Variants in ARID5B observed in about 807,000 individuals in gnomAD.
The protein encoded by ARID5B is AT-rich interactive domain-containing protein 5B.
A neutral mutation model predicts 97.2 loss-of-function variants in ARID5B; 13 were observed. The observed-to-expected ratio is 0.13, with a 90% CI of 0.09 to 0.21. The LOEUF (loss-of-function observed/expected upper bound fraction) is 0.21, where lower values mean the gene tolerates loss of function less well. Ranked by LOEUF, ARID5B falls within the 10% of genes least tolerant of loss-of-function variation. ARID5B has a pLI of 1.00. For synonymous variants in ARID5B, 556 were observed against 570.3 expected, an observed-to-expected ratio of 0.97 and a Z score of 0.36; for missense variants, 1,210 against 1,465.3, an observed-to-expected ratio of 0.83 and a Z score of 2.84.
chr10:61,960,876 AG>A (rs1838461254), intron 3 of ARID5B, among the ~76,000 whole-genome samples: 1 of 152,252 alleles, frequency 6.6e-6, no homozygotes, highest in South Asian at 2.1e-4. Context: ...GACATAGACT[AG>A]CACTCTGGAT....
intron 3 of ARID5B, among the ~76,000 whole-genome samples, chr10:61,955,565 A>G (rs1489256581): frequency 6.6e-6 from 1 of 152,256 alleles, no homozygotes; most frequent in East Asian, 1.9e-4. Context: ...GAAAGGAACT[A>G]CAGATAATCT....
intron 3 of ARID5B, among the ~76,000 whole-genome samples, chr10:61,980,761 G>GC (rs892125451): frequency 6.6e-6 from 1 of 152,098 alleles, no homozygotes; most frequent in African/African-American, 2.4e-5. Context: ...CCCAAGATGG[G>GC]CCCCCCTTCT....
At chr10:61,966,510 C>T (rs1179740481) in intron 3 of ARID5B, among the ~76,000 whole-genome samples, 1 of 152,070 alleles carries the variant, frequency 6.6e-6, no homozygotes, top group East Asian at 1.9e-4. Context: ...AGATTACTTG[C>T]CTTACACAAC....
chr10:61,912,165 C>T lies in ARID5B; in HGVS notation c.276+9752C>T, dbSNP rs74983378. Among the ~76,000 whole-genome samples the T allele has an allele frequency of 2.7e-3, 416 of 152,188 alleles. 5 individuals carry two copies. The highest frequency in any genetic ancestry group is 9.5e-3 in the African/African-American group (395 of 41,502). On this transcript the variant is annotated intron_variant, in intron 2 of 9. Transcript: ENST00000279873. ...ATGTTGTTTCACAAGCACAAAGGAT[C>T]GCAGTATAACTGGAGACAAAGAACT...
chr10:62,064,943 T>G (rs1839966826), intron 7 of ARID5B, among the ~76,000 whole-genome samples: 1 of 152,100 alleles, frequency 6.6e-6, no homozygotes, highest in East Asian at 1.9e-4. Flanking sequence ...CTGGCTAGTT[T>G]TTGTGTTTTT....
intron 3 of ARID5B, among the ~76,000 whole-genome samples, chr10:61,958,971 T>G (rs950580748): frequency 1.3e-5 from 2 of 152,262 alleles, no homozygotes; most frequent in African/African-American, 4.8e-5. Flanking sequence ...TTATGAAGAC[T>G]GTCCAGGCCT....
chr10:61,920,160 G>T (rs1020651943), intron 2 of ARID5B, among the ~76,000 whole-genome samples: 1 of 151,800 alleles, frequency 6.6e-6, no homozygotes, highest in African/African-American at 2.4e-5. Flanking sequence ...CTTTTTGTGT[G>T]TCCTTTTTTC....
In ARID5B at chr10:62,023,985, AG is replaced by A. The variant is rs571533934; in HGVS notation, c.733+23665del. The stretch of plus-strand genomic sequence containing the variant: ...CAAAGATATGGAAAACTCTGATTTA[AG>A]TGCCTGCCCCCTCTGCAGCTTCACT... On this transcript the variant is annotated intron_variant, in intron 4 of 9. Coordinates refer to ENST00000279873, the MANE Select transcript of ARID5B (RefSeq NM_032199.3). Among the ~76,000 whole-genome samples the A allele has an allele frequency of 1.6e-3, 240 of 152,336 alleles. 1 individual carries two copies. The highest frequency in any genetic ancestry group is 3.5e-3 in the Admixed American group (54 of 15,296).
At chr10:61,973,553 T>G (rs1233195765) in intron 3 of ARID5B, among the ~76,000 whole-genome samples, 1 of 152,058 alleles carries the variant, frequency 6.6e-6, no homozygotes, top group Non-Finnish European at 1.5e-5. Flanking sequence ...TTATTTTTAG[T>G]CATACTTAAA....
chr10:62,082,931 C>T (rs1386137433), intron 8 of ARID5B, among the ~76,000 whole-genome samples: 1 of 152,146 alleles, frequency 6.6e-6, no homozygotes, highest in Non-Finnish European at 1.5e-5. Flanking sequence ...CATATTTCTA[C>T]TTGCTTCCTT....
At chr10:62,036,955 T>G (rs1479789773) in intron 4 of ARID5B, among the ~76,000 whole-genome samples, 1 of 152,190 alleles carries the variant, frequency 6.6e-6, no homozygotes, top group Non-Finnish European at 1.5e-5. Flanking sequence ...TGGCATAACA[T>G]CTATGGTTTC....
chr10:62,077,356 C>T (rs775361396), intron 8 of ARID5B, among the ~76,000 whole-genome samples: 1 of 152,054 alleles, frequency 6.6e-6, no homozygotes, highest in African/African-American at 2.4e-5. Flanking sequence ...AAATAAACAA[C>T]AGCCTTTGAA....
At chr10:61,941,169 G>C (rs1201650598) in intron 3 of ARID5B, among the ~76,000 whole-genome samples, 1 of 149,524 alleles carries the variant, frequency 6.7e-6, no homozygotes, top group Non-Finnish European at 1.5e-5. Flanking sequence ...AACTTTACAG[G>C]GTTATTGTGA....
Position 62,092,431 on chromosome 10 carries a change from G to T in ARID5B, c.2968G>T (p.Glu990Ter), listed in dbSNP as rs1840394131. 2.5e-6 allele frequency: 4 copies of T among 1,614,086 alleles called. No individual in the cohort carries two copies. Among genetic ancestry groups the T allele is most frequent in the Non-Finnish European group, 3.4e-6 (4 of 1,180,048 alleles). Reference sequence around the variant, plus strand: ...GAGACTGGAGAATTTCAGGAAGATGGAAGGCATGGTCCACCCAATCCTGCA... The same window carrying T: ...GAGACTGGAGAATTTCAGGAAGATGTAAGGCATGGTCCACCCAATCCTGCA... The part of the protein sequence containing the change: ...HVRLENFRKM[E>*]GMVHPILHRK... The change falls in exon 10 of 10, where the codon GAA (glutamate) becomes TAA (stop). Residue 990 changes from glutamate (E) to a stop codon, truncating the protein, a stop_gained. Coordinates refer to ENST00000279873, the MANE Select transcript of ARID5B (RefSeq NM_032199.3). LOFTEE classifies it high-confidence loss of function.
intron 8 of ARID5B, among the ~76,000 whole-genome samples, chr10:62,074,465 C>T (rs1840102532): frequency 6.6e-6 from 1 of 152,190 alleles, no homozygotes; most frequent in South Asian, 2.1e-4. Context: ...TGGGTGATAG[C>T]TGGAGCTTCT....
At chr10:61,982,456 T>C in intron 3 of ARID5B, among the ~76,000 whole-genome samples, 1 of 152,208 alleles carries the variant, frequency 6.6e-6, no homozygotes, top group East Asian at 1.9e-4. Flanking sequence ...AAGGGAGTCA[T>C]TACTTTGTCT....
intron 2 of ARID5B, among the ~76,000 whole-genome samples, chr10:61,904,937 A>G (rs2132750795): frequency 6.6e-6 from 1 of 152,382 alleles, no homozygotes; most frequent in East Asian, 1.9e-4. Flanking sequence ...TTAGCAGAAT[A>G]GCAGCAGCAG....
rs1266201436 is a variant in ARID5B, at chr10:61,903,712, C to T, written c.276+1299C>T. ...CCGGGGCTCGGAGCTGCCAGTCCTT[C>T]CAGAATTCCTCGGTTTGATCGAGTT... is the stretch of plus-strand genomic sequence containing the variant. On this transcript the variant is annotated intron_variant, in intron 2 of 9. Coordinates refer to ENST00000279873, the MANE Select transcript of ARID5B (RefSeq NM_032199.3). 7.9e-5 allele frequency among the ~76,000 whole-genome samples: 12 copies of T among 152,302 alleles called. No individual in the cohort carries two copies. In the East Asian group the frequency reaches 2.3e-3, roughly 29 times the overall value.
chr10:62,049,240 A>C, intron 4 of ARID5B: 1 of 1,373,662 alleles, frequency 7.3e-7, no homozygotes, highest in Non-Finnish European at 9.4e-7. Context: ...TGGCAACTCC[A>C]GCAAAGTCCT....
Sources: gnomAD v4.1 joint callset for allele counts (sites outside exome capture counted in the v4.1 genomes callset) on GRCh38, gnomAD v4.1.1 for gene constraint, MANE v1.5 for transcripts, NCBI Gene and HGNC (gene_info 2026-07-23, HGNC 2026-07-21) for gene names.